BCAS3: variants seen among roughly 807,000 people sequenced by gnomAD.
BCAS3 encodes the protein BCAS4/BCAS3 fusion.
Under a neutral mutation model 116.1 loss-of-function variants are expected in BCAS3, and 53 were observed. That is an observed-to-expected ratio of 0.46 (90% CI 0.37 to 0.57). The LOEUF is 0.57. BCAS3 is among the 20% of genes least tolerant of loss of function. The pLI, the probability that BCAS3 is intolerant of heterozygous loss-of-function variation, is 0.00. For synonymous variants in BCAS3, 391 were observed against 408.2 expected, an observed-to-expected ratio of 0.96 and a Z score of 0.51; for missense variants, 917 against 1,165.4, an observed-to-expected ratio of 0.79 and a Z score of 3.10.
intron 14 of BCAS3, among the ~76,000 whole-genome samples, chr17:60,987,533 G>GT (rs2063220835): frequency 6.6e-6 from 1 of 151,754 alleles, no homozygotes; most frequent in Admixed American, 6.6e-5. Context: ...GTGTTTTGTA[G>GT]TTTGCATTGT....
Position 61,349,497 on chromosome 17 carries a change from T to C in BCAS3, c.2426-18830T>C, listed in dbSNP as rs949502673. Among the ~76,000 whole-genome samples, 2 of 151,444 alleles carry C rather than the reference T, an allele frequency of 1.3e-5. No individual in the cohort carries two copies. The highest frequency in any genetic ancestry group is 1.3e-4 in the Admixed American group (2 of 15,182). On this transcript the variant is annotated intron_variant, in intron 22 of 23. Coordinates refer to ENST00000407086, the MANE Select transcript of BCAS3 (RefSeq NM_017679.5). The surrounding 1 kb of genome is among the most constrained non-coding windows in gnomAD (Gnocchi z 4.7). ...CAGTGGAAATTCTGCACTTAGATTA[T>C]TGGTCCAGCTCTGCTTCTCCGAAAG...
intron 15 of BCAS3, among the ~76,000 whole-genome samples, chr17:61,006,785 T>C (rs1372296458): frequency 1.3e-5 from 2 of 152,004 alleles, no homozygotes; most frequent in Non-Finnish European, 2.9e-5. Context: ...TAGAAATAGG[T>C]TGAGGCTTAA....
intron 6 of BCAS3, among the ~76,000 whole-genome samples, chr17:60,751,232 T>C (rs902844318): frequency 3.3e-5 from 5 of 152,180 alleles, no homozygotes; most frequent in Admixed American, 6.5e-5. Flanking sequence ...TCAATAATAA[T>C]TGATTATTTT....
rs139975469 is a variant in BCAS3 at position 61,297,650 on chromosome 17, G to A, written c.2426-70677G>A. Among the ~76,000 whole-genome samples the A allele has an allele frequency of 9.2e-4, 140 of 152,292 alleles. No individual in the cohort carries two copies. The Middle Eastern group carries it at 0.01, about 11-fold the overall frequency. On this transcript the variant is annotated intron_variant, in intron 22 of 23. Transcript: ENST00000407086. ...AGCCCAGGTGTTCTTGTTGAAGGGA[G>A]GTCAGTGTGATGGGGGTCCTCAGTG...
chr17:61,115,245 C>G lies in BCAS3; in HGVS notation c.2425+30681C>G, dbSNP rs188137446. Among the ~76,000 whole-genome samples the G allele has an allele frequency of 2.5e-3, 382 of 152,282 alleles. 2 individuals are homozygous for G. Among genetic ancestry groups the G allele is most frequent in the African/African-American group, 8.8e-3 (364 of 41,546 alleles). ...AAAAGACAAAATTGACAAATGGAAT[C>G]TAATTAAACTAAAGAGCTTCTGCAC... On this transcript the variant is annotated intron_variant, in intron 22 of 23. Transcript: ENST00000407086.
rs1048472763 is a variant in BCAS3, at chr17:61,222,763, G to A, written c.2425+138199G>A. On this transcript the variant is annotated intron_variant, in intron 22 of 23. Coordinates refer to ENST00000407086, the MANE Select transcript of BCAS3 (RefSeq NM_017679.5). This position sits in a 1 kb window ranked among gnomAD's most constrained non-coding sequence, Gnocchi z 6.1. ...CCACTCTGCGACTCCAGGTCGATTC[G>A]TCTGCCTGTTGGCTTTTTTGATTTT... Among the ~76,000 whole-genome samples, 3 of 152,168 alleles carry A rather than the reference G, an allele frequency of 2.0e-5. No homozygotes were observed. The highest frequency in any genetic ancestry group is 4.4e-5 in the Non-Finnish European group (3 of 68,034).
chr17:61,143,327 T>A lies in BCAS3; in HGVS notation c.2425+58763T>A, dbSNP rs112997777. 2.3e-3 allele frequency among the ~76,000 whole-genome samples: 358 copies of A among 152,342 alleles called. 1 individual carries two copies. The highest frequency in any genetic ancestry group is 8.3e-3 in the African/African-American group (345 of 41,574). On this transcript the variant is annotated intron_variant, in intron 22 of 23. Transcript: ENST00000407086. ...TTGAAACATTCTCAAAATACCATAC[T>A]TTAATATCAATTTATATACTTTCAT...
At chr17:61,225,624 A>G (rs72832587) in intron 22 of BCAS3, among the ~76,000 whole-genome samples, 28,598 of 152,178 alleles carry the variant, frequency 0.19, 3,041 homozygotes, top group African/African-American at 0.29. Flanking sequence ...AAGTTCTTCT[A>G]TAAGTGTGTC....
intron 14 of BCAS3, among the ~76,000 whole-genome samples, chr17:60,978,444 T>G (rs56337808): frequency 6.7e-6 from 1 of 148,772 alleles, no homozygotes; most frequent in Non-Finnish European, 1.5e-5. Flanking sequence ...TTCTCCCATT[T>G]TGTAGGTTGC....
rs148088214 is a variant in BCAS3 at position 61,087,853 on chromosome 17, A to G, written c.2425+3289A>G. Among the ~76,000 whole-genome samples, 29 of 152,226 alleles carry G rather than the reference A, an allele frequency of 1.9e-4. No homozygotes were observed. In the East Asian group the frequency reaches 5.0e-3, roughly 26 times the overall value. On this transcript the variant is annotated intron_variant, in intron 22 of 23. Transcript: ENST00000407086. The surrounding 1 kb of genome is among the most constrained non-coding windows in gnomAD (Gnocchi z 4.6). ...TGCTTGATGAGTAGATGTTATTCCC[A>G]TAACATCTGTCTCATCTTGTCTTTG...
At chr17:61,340,136 C>T (rs775682291) in intron 22 of BCAS3, among the ~76,000 whole-genome samples, 8 of 151,908 alleles carry the variant, frequency 5.3e-5, no homozygotes, top group Non-Finnish European at 1.2e-4. Context: ...ACATCTCTTT[C>T]AAGGAGTTTT....
rs1278327429 is a variant in BCAS3, at chr17:61,324,407, G to A, written c.2426-43920G>A. 4.6e-5 allele frequency among the ~76,000 whole-genome samples: 7 copies of A among 152,216 alleles called. No individual in the cohort carries two copies. The highest frequency in any genetic ancestry group is 2.0e-4 in the Admixed American group (3 of 15,282). On this transcript the variant is annotated intron_variant, in intron 22 of 23. Transcript: ENST00000407086. The surrounding 1 kb of genome is among the most constrained non-coding windows in gnomAD (Gnocchi z 4.6). The stretch of plus-strand genomic sequence containing the variant: ...CTGATCACTGTCAGGGCAGGGCAGG[G>A]AGAGGCTGCCCCGAGTATGTGTGGT...
intron 7 of BCAS3, among the ~76,000 whole-genome samples, chr17:60,824,572 G>C (rs2050218982): frequency 1.3e-5 from 2 of 152,170 alleles, no homozygotes; most frequent in Non-Finnish European, 2.9e-5. Flanking sequence ...CTGCTTCTCA[G>C]AGTGAATCCT....
chr17:61,005,753 A>G (rs1446640738), intron 15 of BCAS3, among the ~76,000 whole-genome samples: 3 of 125,016 alleles, frequency 2.4e-5, no homozygotes, highest in Non-Finnish European at 3.5e-5. Flanking sequence ...TTTTGTGGCT[A>G]TACTTTTTTT....
intron 22 of BCAS3, among the ~76,000 whole-genome samples, chr17:61,138,075 T>C (rs1430568176): frequency 6.6e-6 from 1 of 152,224 alleles, no homozygotes; most frequent in Admixed American, 6.5e-5. Context: ...TGGTAATCTT[T>C]GGAATAGCAC....
intron 9 of BCAS3, among the ~76,000 whole-genome samples, chr17:60,878,679 AT>A (rs2055844230): frequency 1.3e-5 from 2 of 152,102 alleles, no homozygotes; most frequent in South Asian, 4.1e-4. Context: ...AATGTATTTT[AT>A]TTCATATTTC....
chr17:61,130,545 C>A lies in BCAS3; in HGVS notation c.2425+45981C>A, dbSNP rs2076276249. Among the ~76,000 whole-genome samples, 1 of 152,174 alleles carries A rather than the reference C, an allele frequency of 6.6e-6. No individual in the cohort carries two copies. The highest frequency in any genetic ancestry group is 2.1e-4 in the South Asian group (1 of 4,828). Reference sequence around the variant, plus strand: ...ACGTAATATGGTGAGAATCTTCTTCCTCAAATACTTTTTATCCTGTCATCC... The same window carrying A: ...ACGTAATATGGTGAGAATCTTCTTCATCAAATACTTTTTATCCTGTCATCC... On this transcript the variant is annotated intron_variant, in intron 22 of 23. Coordinates refer to ENST00000407086, the MANE Select transcript of BCAS3 (RefSeq NM_017679.5). The surrounding 1 kb of genome is among the most constrained non-coding windows in gnomAD (Gnocchi z 5.0).
At chr17:61,005,624 A>G (rs946892515) in intron 15 of BCAS3, among the ~76,000 whole-genome samples, 2 of 151,960 alleles carry the variant, frequency 1.3e-5, no homozygotes, top group African/African-American at 2.4e-5. Context: ...CTTAACAGTC[A>G]TGGGTAAAAA....
In BCAS3 at chr17:61,073,109, C is replaced by A. The variant is rs1474208605; in HGVS notation, c.2030-1811C>A. 6.6e-6 allele frequency among the ~76,000 whole-genome samples: 1 copy of A among 152,152 alleles called. No individual in the cohort carries two copies. Reference sequence around the variant, plus strand: ...TACTTATCAGCCTTTCAATGTATATCAATTATTTCCAAAAGAATGCTGAAA... The same window carrying A: ...TACTTATCAGCCTTTCAATGTATATAAATTATTTCCAAAAGAATGCTGAAA... On this transcript the variant is annotated intron_variant, in intron 19 of 23. Coordinates refer to ENST00000407086, the MANE Select transcript of BCAS3 (RefSeq NM_017679.5). This position sits in a 1 kb window ranked among gnomAD's most constrained non-coding sequence, Gnocchi z 4.6.
Sources: allele counts gnomAD v4.1 joint callset (sites outside exome capture counted in the v4.1 genomes callset), GRCh38; gene constraint gnomAD v4.1.1; non-coding constraint Gnocchi (gnomAD v3.1); transcripts MANE v1.5; gene names NCBI Gene and HGNC (gene_info 2026-07-23, HGNC 2026-07-21).